CUZD1: variants seen among roughly 807,000 people sequenced by gnomAD.
CUZD1 encodes CUB and zona pellucida like domains 1.
Under a neutral mutation model 53.1 loss-of-function variants are expected in CUZD1, and 42 were observed. The ratio of observed to expected loss-of-function variants is 0.79; its 90% CI spans 0.62 to 1.02. The LOEUF is 1.02. Ranked by LOEUF, CUZD1 falls within the 50% of genes least tolerant of loss-of-function variation. The pLI is 0.00. For synonymous variants in CUZD1, 238 were observed against 257.2 expected, an observed-to-expected ratio of 0.93 and a Z score of 0.71; for missense variants, 670 against 715.7, an observed-to-expected ratio of 0.94 and a Z score of 0.73.
chr10:122,838,548 G>A (rs1388730565), intron 3 of CUZD1, among the ~76,000 whole-genome samples: 4 of 152,066 alleles, frequency 2.6e-5, no homozygotes, highest in East Asian at 1.9e-4. Flanking sequence ...AGAATCATCC[G>A]GGGGACTTGT....
chr10:122,837,393 G>A lies in CUZD1; in HGVS notation c.599+11C>T. On this transcript the variant is annotated intron_variant, in intron 4 of 8. Transcript: ENST00000392790. Reference sequence around the variant, plus strand: ...GCATTTGTTCCAACAGAATTGGGCAGCAGTACTTACAAAATCTCTTTGAAG... The same window carrying A: ...GCATTTGTTCCAACAGAATTGGGCAACAGTACTTACAAAATCTCTTTGAAG... The A allele has an allele frequency of 6.2e-7, 1 of 1,613,966 alleles. No individual in the cohort carries two copies. Among genetic ancestry groups the A allele is most frequent in the Non-Finnish European group, 8.5e-7 (1 of 1,179,890 alleles).
chr10:122,844,874 C>T (rs190863620), intron 1 of CUZD1, among the ~76,000 whole-genome samples: 35 of 152,138 alleles, frequency 2.3e-4, no homozygotes, highest in Admixed American at 9.8e-4. Flanking sequence ...CCATATACTC[C>T]CATAACCCCA....
chr10:122,837,374 G>T (rs1847270167), intron 4 of CUZD1, 30 bp downstream of exon 4: 2 of 1,612,860 alleles, frequency 1.2e-6, no homozygotes, highest in South Asian at 2.2e-5. Flanking sequence ...TACTGCATTT[G>T]TTCCAACAGA....
chr10:122,838,450 G>A (rs73369549), intron 3 of CUZD1, among the ~76,000 whole-genome samples: 1,680 of 152,288 alleles, frequency 0.011, 34 homozygotes, highest in African/African-American at 0.039. Context: ...GCAGAGCCCT[G>A]TAAATGTAGC....
Position 122,839,024 on chromosome 10 carries a change from A to C in CUZD1, c.441T>G (p.Pro147=), listed in dbSNP as rs1591711523. 3.1e-6 allele frequency: 5 copies of C among 1,612,876 alleles called. No homozygotes were observed. Among genetic ancestry groups the C allele is most frequent in the Non-Finnish European group, 3.4e-6 (4 of 1,178,840 alleles). Reference sequence around the variant, plus strand: ...GTGTAAATGAGGACTTACAGATGTTAGGAGAGAAGAAGTAGTAGAAGACAA... The same window carrying C: ...GTGTAAATGAGGACTTACAGATGTTCGGAGAGAAGAAGTAGTAGAAGACAA... ...TVFVFYYFFS[P]NISIPNCGGY... Residue 147 remains proline (P), a synonymous_variant, in exon 3 of 9, where the codon CCT becomes CCG. Transcript: ENST00000392790.
Position 122,834,967 on chromosome 10 carries a change from T to C in CUZD1, c.1121A>G (p.Glu374Gly). ...ATCATCTTCTGTTATGTATATTATC[T>C]CCACTGTAGAATTATGTCCCATTTC... is the stretch of plus-strand genomic sequence containing the variant. Reference protein sequence around the residue: ...KCEMGHNSTVEIIYITEDDVI... With the variant: ...KCEMGHNSTVGIIYITEDDVI... The change falls in exon 7 of 9, where the codon GAG (glutamate) becomes GGG (glycine). Residue 374 changes from glutamate to glycine, a missense_variant. Physicochemically the swap from Glu to Gly is moderately conservative, Grantham distance 98 (BLOSUM62 -2). Transcript: ENST00000392790. 1 of 1,613,896 alleles carries C rather than the reference T, an allele frequency of 6.2e-7. No homozygotes were observed. The highest frequency in any genetic ancestry group is 8.5e-7 in the Non-Finnish European group (1 of 1,179,830).
At chr10:122,845,712 A>C (rs764867769) in intron 1 of CUZD1, 50 bp downstream of exon 1, 3 of 1,558,678 alleles carry the variant, frequency 1.9e-6, no homozygotes, top group African/African-American at 2.7e-5. Flanking sequence ...AGGCCTCTTA[A>C]GAGAAGAACT....
chr10:122,832,312 GCCCGTTGATTTA>G lies in CUZD1; in HGVS notation c.1778_1789del (p.Val593_Arg596del). The stretch of plus-strand genomic sequence containing the variant: ...CTGCAGCTTCTGGTATTTGTAGTCT[GCCCGTTGATTTA>G]CAAAATGCCTCACTGTGATTGTCGC... On this transcript the variant is annotated inframe_deletion, in exon 9 of 9. Coordinates refer to ENST00000392790, the MANE Select transcript of CUZD1 (RefSeq NM_022034.6). 2 of 1,614,074 alleles carry G rather than the reference GCCCGTTGATTTA, an allele frequency of 1.2e-6. No homozygotes were observed. Among genetic ancestry groups the G allele is most frequent in the Non-Finnish European group, 1.7e-6 (2 of 1,179,962 alleles).
At chr10:122,834,620 T>C (rs1847216892) in intron 7 of CUZD1, 86 bp downstream of exon 7, 8 of 1,148,752 alleles carry the variant, frequency 7.0e-6, no homozygotes, top group Non-Finnish European at 9.6e-6. Flanking sequence ...AAAATGTATA[T>C]ATACACAACA....
At chr10:122,836,727 T>G (rs1847257478) in intron 5 of CUZD1, 104 bp downstream of exon 5, 2 of 835,264 alleles carry the variant, frequency 2.4e-6, no homozygotes, top group East Asian at 2.6e-5. Flanking sequence ...ACATGTGACA[T>G]GCTTGCAAAT....
intron 3 of CUZD1, among the ~76,000 whole-genome samples, chr10:122,838,624 C>T (rs1847289383): frequency 6.6e-6 from 1 of 152,084 alleles, no homozygotes; most frequent in Non-Finnish European, 1.5e-5. Context: ...GGTGCAGTCC[C>T]TGAAGAGGCA....
Position 122,839,128 on chromosome 10 carries a change from C to A in CUZD1, c.337G>T (p.Val113Phe). The part of the protein sequence containing the change: ...LGQVCSKNDY[V>F]PVFESSSSTL... ...CTGGATGATGATTCAAATACAGGAA[C>A]ATAGTCGTTTTTACTGCAGACTTGC... The change falls in exon 3 of 9, where the codon GTT becomes TTT. Residue 113 changes from valine to phenylalanine, a missense_variant. Transcript: ENST00000392790. 1 of 1,614,148 alleles carries A rather than the reference C, an allele frequency of 6.2e-7. No homozygotes were observed. Among genetic ancestry groups the A allele is most frequent in the Non-Finnish European group, 8.5e-7 (1 of 1,179,984 alleles).
At position 122,836,365 on chromosome 10, in the gene CUZD1, A is replaced by T. The variant is rs1347800191; in HGVS notation, c.818-15T>A. ...AGTTAAAGATGCTGTCAGGAAAAAA[A>T]AAAAAAAAAGAATGGTCATGTTTAT... On this transcript the variant is annotated splice_polypyrimidine_tract_variant and intron_variant, in intron 5 of 8. Transcript: ENST00000392790. 1.3e-6 allele frequency: 2 copies of T among 1,534,718 alleles called. No homozygotes were observed. The highest frequency in any genetic ancestry group is 1.7e-6 in the Non-Finnish European group (2 of 1,149,614).
rs763147437 is a variant in CUZD1, at chr10:122,836,369, A to C, written c.818-19T>G. The stretch of plus-strand genomic sequence containing the variant: ...AAAGATGCTGTCAGGAAAAAAAAAA[A>C]AAAAAGAATGGTCATGTTTATGCCA... On this transcript the variant is annotated intron_variant, in intron 5 of 8. Coordinates refer to ENST00000392790, the MANE Select transcript of CUZD1 (RefSeq NM_022034.6). 2.4e-5 allele frequency: 37 copies of C among 1,540,680 alleles called. No homozygotes were observed. The highest frequency in any genetic ancestry group is 3.0e-5 in the Non-Finnish European group (35 of 1,152,636).
intron 3 of CUZD1, 105 bp from the exon 4 acceptor site, chr10:122,837,659 C>T: frequency 9.0e-7 from 1 of 1,111,904 alleles, no homozygotes; most frequent in Non-Finnish European, 1.3e-6. Flanking sequence ...AGTATGATTC[C>T]ATCTCTATCT....
In CUZD1 at chr10:122,836,859, G is replaced by C; in HGVS notation, c.789C>G (p.Thr263=). 1 of 1,613,304 alleles carries C rather than the reference G, an allele frequency of 6.2e-7. No homozygotes were observed. Among genetic ancestry groups the C allele is most frequent in the Non-Finnish European group, 8.5e-7 (1 of 1,179,346 alleles). ...TGTTGATGTTTTCTGCATAAATTGA[G>C]GTGTAGGAAGCAGAAAATCCCCGGT... ...NSYRGFSASY[T]SIYAENINTT... The change falls in exon 5 of 9, where the codon ACC becomes ACG. Residue 263 remains threonine (T), a synonymous_variant. Coordinates refer to ENST00000392790, the MANE Select transcript of CUZD1 (RefSeq NM_022034.6).
At chr10:122,837,818 C>G (rs767552894) in intron 3 of CUZD1, 2 of 327,034 alleles carry the variant, frequency 6.1e-6, no homozygotes, top group East Asian at 1.0e-4. Flanking sequence ...TGGAGAGACT[C>G]CCATTACCTG....
At chr10:122,840,947 T>C (rs899988116) in intron 2 of CUZD1, among the ~76,000 whole-genome samples, 1 of 152,186 alleles carries the variant, frequency 6.6e-6, no homozygotes, top group Non-Finnish European at 1.5e-5. Context: ...GTTGTGTTTG[T>C]AGTACTATTA....
chr10:122,837,165 T>C (rs1847267341), intron 4 of CUZD1, 117 bp from the exon 5 acceptor site: 4 of 915,182 alleles, frequency 4.4e-6, no homozygotes, highest in East Asian at 2.6e-5. Context: ...TTCAATGGTA[T>C]CTCAGGTTTA....
Sources: gnomAD v4.1 joint callset for allele counts (sites outside exome capture counted in the v4.1 genomes callset) on GRCh38, gnomAD v4.1.1 for gene constraint, MANE v1.5 for transcripts, NCBI Gene and HGNC (gene_info 2026-07-23, HGNC 2026-07-21) for gene names.